NCKAP5: variants seen among roughly 807,000 people sequenced by gnomAD.
The protein encoded by NCKAP5 is NCK associated protein 5.
In NCKAP5, 92 loss-of-function variants were observed where a neutral mutation model predicts 167.0. The ratio of observed to expected loss-of-function variants is 0.55; its 90% CI spans 0.47 to 0.66. The LOEUF is 0.66. Ranked by LOEUF, NCKAP5 falls within the 30% of genes least tolerant of loss-of-function variation. NCKAP5 has a pLI of 0.00. For missense variants in NCKAP5, 2,378 were observed against 2,315.0 expected (o/e 1.03, Z -0.56); for synonymous variants, 891 against 877.4 (o/e 1.02, Z -0.27).
chr2:133,025,888 T>C (rs1046005479), intron 6 of NCKAP5, among the ~76,000 whole-genome samples: 2 of 152,166 alleles, frequency 1.3e-5, no homozygotes, highest in East Asian at 1.9e-4. Flanking sequence ...ATAGGTAAAT[T>C]TGTGCCATGG....
At chr2:132,715,007 C>T in intron 19 of NCKAP5, 1 of 408,036 alleles carries the variant, frequency 2.5e-6, no homozygotes, top group Admixed American at 3.1e-5. Context: ...TGGTTTTTCC[C>T]AAGCTCATCT....
chr2:133,202,366 C>A (rs2150126227), intron 5 of NCKAP5, among the ~76,000 whole-genome samples: 1 of 152,258 alleles, frequency 6.6e-6, no homozygotes, highest in Middle Eastern at 3.4e-3. Flanking sequence ...CCCTTCCTTA[C>A]ACCTTATACA....
At chr2:132,986,270 ATTT>A (rs2077283556) in intron 7 of NCKAP5, among the ~76,000 whole-genome samples, 1 of 152,176 alleles carries the variant, frequency 6.6e-6, no homozygotes. Flanking sequence ...CTTCAACTCT[ATTT>A]TAACCTTTTC....
chr2:133,035,815 G>A (rs1188986260), intron 6 of NCKAP5, among the ~76,000 whole-genome samples: 1 of 151,626 alleles, frequency 6.6e-6, no homozygotes, highest in Non-Finnish European at 1.5e-5. Context: ...ATTAGTAGAA[G>A]AAAAGAAATA....
chr2:133,520,893 A>G (rs1005039881), intron 2 of NCKAP5, among the ~76,000 whole-genome samples: 6 of 152,248 alleles, frequency 3.9e-5, no homozygotes, highest in African/African-American at 1.4e-4. Flanking sequence ...CAAGCGGTAC[A>G]GTTAGAGCAG....
At chr2:133,598,909 T>TGCC in the NCKAP5 span, among the ~76,000 whole-genome samples, 1 of 152,244 alleles carries the variant, frequency 6.6e-6, no homozygotes, top group African/African-American at 2.4e-5. Context: ...AGCCCCATCC[T>TGCC]AGCTTCTGCT....
At chr2:132,883,960 G>C (rs915995420) in intron 8 of NCKAP5, among the ~76,000 whole-genome samples, 4 of 152,170 alleles carry the variant, frequency 2.6e-5, no homozygotes, top group African/African-American at 9.7e-5. Context: ...GCACAAAAAT[G>C]AGGAAAACTC....
chr2:132,933,025 C>T (rs887940580), intron 8 of NCKAP5, among the ~76,000 whole-genome samples: 31 of 150,980 alleles, frequency 2.1e-4, no homozygotes, highest in Admixed American at 7.9e-4. Context: ...CCCGGGTTCA[C>T]GCCATTCTCC....
intron 9 of NCKAP5, among the ~76,000 whole-genome samples, chr2:132,876,311 C>A (rs1375083384): frequency 6.6e-6 from 1 of 151,946 alleles, no homozygotes; most frequent in South Asian, 2.1e-4. Context: ...TTGCCCAGAC[C>A]GGTCTTAAAC....
intron 5 of NCKAP5, among the ~76,000 whole-genome samples, chr2:133,180,830 C>T (rs1008455489): frequency 1.1e-4 from 16 of 151,896 alleles, no homozygotes; most frequent in African/African-American, 3.9e-4. Context: ...GCAAATGAGG[C>T]TATATCGAAC....
At chr2:132,686,638 TC>T (rs1685977332) in intron 19 of NCKAP5, among the ~76,000 whole-genome samples, 1 of 152,146 alleles carries the variant, frequency 6.6e-6, no homozygotes, top group Non-Finnish European at 1.5e-5. Context: ...GTCATCCTTT[TC>T]CCCCCTATCA....
chr2:133,216,417 C>T (rs2086431734), intron 4 of NCKAP5, among the ~76,000 whole-genome samples: 1 of 152,022 alleles, frequency 6.6e-6, no homozygotes. Context: ...AAATAAATTA[C>T]CTATGTGTTC....
At chr2:133,072,765 C>A (rs1450480393) in intron 6 of NCKAP5, among the ~76,000 whole-genome samples, 2 of 152,002 alleles carry the variant, frequency 1.3e-5, no homozygotes, top group East Asian at 3.9e-4. Flanking sequence ...TGCTTGTGAA[C>A]AAAAATTAAG....
intron 6 of NCKAP5, among the ~76,000 whole-genome samples, chr2:133,111,643 A>G (rs944144854): frequency 1.3e-5 from 2 of 152,192 alleles, no homozygotes; most frequent in Non-Finnish European, 2.9e-5. Context: ...CATGGCAACA[A>G]GAACATTCTC....
At chr2:133,087,069 C>A (rs76354776) in intron 6 of NCKAP5, among the ~76,000 whole-genome samples, 2,550 of 152,276 alleles carry the variant, frequency 0.017, 71 homozygotes, top group African/African-American at 0.058. Flanking sequence ...ATCTTGAGAT[C>A]TATTAATCTC....
chr2:133,517,927 T>C (rs1684148001), intron 2 of NCKAP5, among the ~76,000 whole-genome samples: 1 of 152,184 alleles, frequency 6.6e-6, no homozygotes, highest in Admixed American at 6.5e-5. Flanking sequence ...TCTGTTACTG[T>C]GCACATAGAT....
rs1406117857 is a variant in NCKAP5 at position 132,785,335 on chromosome 2, T to G, written c.1476A>C (p.Pro492=). 6.2e-7 allele frequency: 1 copy of G among 1,613,556 alleles called. No homozygotes were observed. Among genetic ancestry groups the G allele is most frequent in the African/African-American group, 1.3e-5 (1 of 75,060 alleles). ...TGCCATGTGGCCTGCAGCTCTGGTT[T>G]GGAACTGCTTGGAGCAATGCTAAGG... ...PSTLALLQAV[P]NQSCRPHGSK... is the part of the protein sequence containing the mutation. Residue 492 remains proline, a synonymous_variant, in exon 14 of 20, where the codon CCA becomes CCC. Coordinates refer to ENST00000409261, the MANE Select transcript of NCKAP5 (RefSeq NM_207363.3).
chr2:133,540,576 A>T (rs910265185), intron 2 of NCKAP5, among the ~76,000 whole-genome samples: 3 of 152,198 alleles, frequency 2.0e-5, no homozygotes, highest in Non-Finnish European at 4.4e-5. Context: ...AGAATATAGG[A>T]GATTGCAGTA....
chr2:133,305,857 A>T (rs1310113513), intron 3 of NCKAP5, among the ~76,000 whole-genome samples: 2 of 152,194 alleles, frequency 1.3e-5, no homozygotes, highest in African/African-American at 4.8e-5. Context: ...TACTTCCAAC[A>T]TTCAATATAT....
Sources: gnomAD v4.1 joint callset for allele counts (sites outside exome capture counted in the v4.1 genomes callset) on GRCh38, gnomAD v4.1.1 for gene constraint, MANE v1.5 for transcripts, NCBI Gene and HGNC (gene_info 2026-07-23, HGNC 2026-07-21) for gene names.